Variants in EYA1 observed in about 807,000 individuals in gnomAD.
EYA1 encodes the protein EYA transcriptional coactivator and phosphatase 1.
Under a neutral mutation model 82.0 loss-of-function variants are expected in EYA1, and 16 were observed. That is an observed-to-expected ratio of 0.20 (90% CI 0.13 to 0.30). The LOEUF is 0.30. EYA1 is among the 10% of genes least tolerant of loss of function. The pLI, the probability that EYA1 is intolerant of heterozygous loss-of-function variation, is 1.00. For synonymous variants in EYA1, 261 were observed against 264.4 expected, an observed-to-expected ratio of 0.99 and a Z score of 0.12; for missense variants, 633 against 730.7, an observed-to-expected ratio of 0.87 and a Z score of 1.54.
At chr8:71,368,676 T>C (rs906710561) in intron 2 of EYA1, among the ~76,000 whole-genome samples, 2 of 152,064 alleles carry the variant, frequency 1.3e-5, no homozygotes, top group South Asian at 4.1e-4. Flanking sequence ...TATACCTCTT[T>C]TGGGAGAAAA....
At chr8:71,298,192 T>G (rs1295395977) in intron 9 of EYA1, among the ~76,000 whole-genome samples, 1 of 152,172 alleles carries the variant, frequency 6.6e-6, no homozygotes, top group African/African-American at 2.4e-5. Flanking sequence ...AGAGGTAATT[T>G]TTTCAATGTT....
intron 17 of EYA1, among the ~76,000 whole-genome samples, chr8:71,210,114 A>G (rs1298181039): frequency 1.3e-5 from 2 of 152,192 alleles, no homozygotes; most frequent in Non-Finnish European, 2.9e-5. Flanking sequence ...GAGGGTTAAG[A>G]ACTTGTTCAA....
intron 2 of EYA1, among the ~76,000 whole-genome samples, chr8:71,500,991 G>A (rs868445507): frequency 2.0e-5 from 3 of 152,134 alleles, no homozygotes; most frequent in Non-Finnish European, 4.4e-5. Context: ...TCCCCTCAAC[G>A]TCTACCCATT....
intron 9 of EYA1, among the ~76,000 whole-genome samples, chr8:71,297,794 T>G (rs1042974646): frequency 6.6e-6 from 1 of 152,192 alleles, no homozygotes; most frequent in Non-Finnish European, 1.5e-5. Context: ...AAGAGAGAGA[T>G]ATGTATACTC....
At chr8:71,305,831 A>G (rs902912962) in intron 7 of EYA1, among the ~76,000 whole-genome samples, 1 of 151,988 alleles carries the variant, frequency 6.6e-6, no homozygotes, top group Non-Finnish European at 1.5e-5. Flanking sequence ...TTTAAAGTTG[A>G]TTATTTTTAT....
intron 9 of EYA1, among the ~76,000 whole-genome samples, chr8:71,277,114 C>CTTTT (rs1817267208): frequency 1.1e-5 from 1 of 90,644 alleles, no homozygotes; most frequent in Non-Finnish European, 2.0e-5. Context: ...TGGCTTCACA[C>CTTTT]ATTTTTTTTT....
chr8:71,428,601 A>G (rs1464983260), intron 2 of EYA1, among the ~76,000 whole-genome samples: 14 of 152,212 alleles, frequency 9.2e-5, no homozygotes, highest in African/African-American at 2.7e-4. Flanking sequence ...GCTATAGCCA[A>G]TTCTACCCCA....
In EYA1 at chr8:71,524,928, G is replaced by A. The variant is rs562495714; in HGVS notation, c.33+10816C>T. On this transcript the variant is annotated intron_variant, in intron 2 of 18. Transcript: ENST00000643681. ...ACACAGGAAGTATTGTTTTTGTTTC[G>A]GAATACTGCCTGGAAGAAAACACAC... Among the ~76,000 whole-genome samples the A allele has an allele frequency of 7.2e-5, 11 of 152,230 alleles. No homozygotes were observed. In the East Asian group the frequency reaches 9.6e-4, roughly 13 times the overall value.
intron 3 of EYA1, 44 bp from the exon 4 acceptor site, chr8:71,334,218 T>C: frequency 1.5e-6 from 2 of 1,350,206 alleles, no homozygotes; most frequent in Non-Finnish European, 2.1e-6. Context: ...TTAATAGTTA[T>C]TTGTAAAGAC....
chr8:71,332,423 T>C (rs1054930377), intron 4 of EYA1, among the ~76,000 whole-genome samples: 1 of 152,146 alleles, frequency 6.6e-6, no homozygotes, highest in African/African-American at 2.4e-5. Context: ...ATTTCCTGGC[T>C]CTTAACTTCT....
chr8:71,279,293 T>C (rs1817554605), intron 9 of EYA1, among the ~76,000 whole-genome samples: 4 of 152,192 alleles, frequency 2.6e-5, no homozygotes, highest in Admixed American at 6.5e-5. Flanking sequence ...ATTGTACACA[T>C]GAGCACGAAG....
intron 2 of EYA1, among the ~76,000 whole-genome samples, chr8:71,412,342 C>T (rs1262771328): frequency 2.7e-5 from 4 of 146,592 alleles, no homozygotes; most frequent in Non-Finnish European, 4.5e-5. Flanking sequence ...AACTAACCTG[C>T]ACAATGTGCA....
intron 9 of EYA1, among the ~76,000 whole-genome samples, chr8:71,272,742 A>G (rs1442693011): frequency 6.6e-6 from 1 of 152,206 alleles, no homozygotes; most frequent in Non-Finnish European, 1.5e-5. Flanking sequence ...TAGTCTATCC[A>G]ATACATACAT....
chr8:71,341,320 G>C (rs1300444164), intron 3 of EYA1, among the ~76,000 whole-genome samples: 1 of 152,144 alleles, frequency 6.6e-6, no homozygotes, highest in Non-Finnish European at 1.5e-5. Flanking sequence ...GTAACGTTAT[G>C]TTACGGGTTG....
intron 2 of EYA1, among the ~76,000 whole-genome samples, chr8:71,381,365 G>A (rs1828690565): frequency 6.6e-6 from 1 of 152,206 alleles, no homozygotes; most frequent in Admixed American, 6.5e-5. Flanking sequence ...AGCTTCTTCT[G>A]CCCTGTCAGT....
intron 11 of EYA1, among the ~76,000 whole-genome samples, chr8:71,262,199 A>C (rs957472027): frequency 4.6e-5 from 7 of 152,352 alleles, no homozygotes; most frequent in South Asian, 2.1e-4. Flanking sequence ...AATAAGTGTG[A>C]GATAGCAGTG....
chr8:71,444,431 C>A (rs983342668), intron 2 of EYA1, among the ~76,000 whole-genome samples: 4 of 152,136 alleles, frequency 2.6e-5, no homozygotes, highest in Non-Finnish European at 4.4e-5. Flanking sequence ...AACACTAGAC[C>A]ATAGATTGAA....
At chr8:71,423,974 G>T (rs2129152602) in intron 2 of EYA1, among the ~76,000 whole-genome samples, 1 of 152,204 alleles carries the variant, frequency 6.6e-6, no homozygotes, top group Admixed American at 6.5e-5. Context: ...TATTTATTTT[G>T]TAACCTTAGG....
chr8:71,379,412 A>G (rs908374436), intron 2 of EYA1, among the ~76,000 whole-genome samples: 5 of 152,140 alleles, frequency 3.3e-5, no homozygotes, highest in Admixed American at 2.6e-4. Flanking sequence ...AGGGATGAGC[A>G]AAGGTACACT....
Sources: allele counts gnomAD v4.1 joint callset (sites outside exome capture counted in the v4.1 genomes callset), GRCh38; gene constraint gnomAD v4.1.1; transcripts MANE v1.5; gene names NCBI Gene and HGNC (gene_info 2026-07-23, HGNC 2026-07-21).